The following FTO variants were observed in gnomAD, a reference collection of about 807,000 sequenced individuals.
FTO encodes the protein FTO alpha-ketoglutarate dependent dioxygenase.
A neutral mutation model predicts 63.9 loss-of-function variants in FTO; 47 were observed. That is an observed-to-expected ratio of 0.74 (90% CI 0.58 to 0.94). FTO has a LOEUF of 0.94. Ranked by LOEUF, FTO falls within the 40% of genes least tolerant of loss-of-function variation. FTO has a pLI of 0.00. For synonymous variants in FTO, 207 were observed against 224.4 expected, an observed-to-expected ratio of 0.92 and a Z score of 0.69; for missense variants, 562 against 618.1, an observed-to-expected ratio of 0.91 and a Z score of 0.96.
intron 8 of FTO, chr16:53,999,981 A>G (rs1347051653): frequency 2.0e-5 from 3 of 152,228 alleles, no homozygotes; most frequent in South Asian, 4.1e-4. Flanking sequence ...TGCAGTAGAC[A>G]TAAAATCAGG....
intron 1 of FTO, among the ~76,000 whole-genome samples, chr16:53,788,295 C>G (rs1369721244): frequency 6.6e-6 from 1 of 151,954 alleles, no homozygotes; most frequent in Non-Finnish European, 1.5e-5. Flanking sequence ...TGCTGTTCTG[C>G]TTTTGATACA....
chr16:54,072,822 G>C (rs76616326), intron 8 of FTO, among the ~76,000 whole-genome samples: 3,275 of 152,148 alleles, frequency 0.022, 117 homozygotes, highest in African/African-American at 0.074. Flanking sequence ...CCTCTGACTC[G>C]GTCAGAAAGA....
chr16:54,049,503 A>G (rs1015306138), intron 8 of FTO, among the ~76,000 whole-genome samples: 2 of 152,246 alleles, frequency 1.3e-5, no homozygotes, highest in Admixed American at 1.3e-4. Flanking sequence ...TTCATTTTCA[A>G]TTAGGAATAC....
intron 4 of FTO, among the ~76,000 whole-genome samples, chr16:53,868,269 G>A (rs932500347): frequency 1.3e-5 from 2 of 151,484 alleles, no homozygotes; most frequent in Admixed American, 6.6e-5. Flanking sequence ...CCCTGTTTTT[G>A]TCTTCCACTC....
intron 1 of FTO, among the ~76,000 whole-genome samples, chr16:53,768,024 A>G (rs2077252161): frequency 6.6e-6 from 1 of 152,222 alleles, no homozygotes; most frequent in Non-Finnish European, 1.5e-5. Context: ...TATGTTAACT[A>G]CTGTTAGCTG....
intron 7 of FTO, among the ~76,000 whole-genome samples, chr16:53,933,711 C>T (rs939904979): frequency 3.9e-5 from 6 of 152,204 alleles, no homozygotes; most frequent in East Asian, 3.9e-4. Flanking sequence ...AAAAAAAAAT[C>T]GTTGGTGTGC....
At chr16:54,049,095 A>T (rs1200654962) in intron 8 of FTO, among the ~76,000 whole-genome samples, 1 of 152,088 alleles carries the variant, frequency 6.6e-6, no homozygotes, top group Non-Finnish European at 1.5e-5. Flanking sequence ...AAAAATTAAG[A>T]TCCAAACCGT....
At chr16:53,991,114 T>C (rs990120544) in intron 8 of FTO, 10 of 152,214 alleles carry the variant, frequency 6.6e-5, no homozygotes, top group African/African-American at 2.4e-5. Flanking sequence ...ATAAGTTGTA[T>C]TTCTTCATGA....
Position 53,856,519 on chromosome 16 carries a change from G to T in FTO, c.895+12221G>T, listed in dbSNP as rs1196648530. Among the ~76,000 whole-genome samples the T allele has an allele frequency of 3.3e-5, 5 of 152,206 alleles. No homozygotes were observed. In the East Asian group the frequency reaches 5.8e-4, roughly 18 times the overall value. Reference sequence around the variant, plus strand: ...TTATAAAAACAATTGAGAGACCGAGGCAGGTGGATCACTTGAGGTCAGGAG... The same window carrying T: ...TTATAAAAACAATTGAGAGACCGAGTCAGGTGGATCACTTGAGGTCAGGAG... On this transcript the variant is annotated intron_variant, in intron 4 of 8. Coordinates refer to ENST00000471389, the MANE Select transcript of FTO (RefSeq NM_001080432.3).
At chr16:53,759,058 A>C (rs2076987264) in intron 1 of FTO, among the ~76,000 whole-genome samples, 1 of 152,122 alleles carries the variant, frequency 6.6e-6, no homozygotes, top group African/African-American at 2.4e-5. Flanking sequence ...AAATGTTGGT[A>C]ATTGTTGAAG....
intron 1 of FTO, among the ~76,000 whole-genome samples, chr16:53,788,475 C>T (rs62033405): frequency 0.3 from 45,165 of 151,298 alleles, 8,190 homozygotes; most frequent in Non-Finnish European, 0.41. Flanking sequence ...TGGTGGTGGG[C>T]GCCTGTAATC....
intron 3 of FTO, among the ~76,000 whole-genome samples, chr16:53,827,872 G>C (rs548278773): frequency 1.3e-5 from 2 of 152,300 alleles, no homozygotes; most frequent in African/African-American, 4.8e-5. Context: ...ACGAACAATG[G>C]AGTTAGTTTC....
At chr16:53,718,214 A>G (rs74018189) in intron 1 of FTO, among the ~76,000 whole-genome samples, 3,823 of 152,028 alleles carry the variant, frequency 0.025, 122 homozygotes, top group Middle Eastern at 0.071. Context: ...ATTTTGTTCA[A>G]TTGGGCACCA....
At chr16:53,869,243 C>T (rs1042534731) in intron 4 of FTO, among the ~76,000 whole-genome samples, 3 of 152,022 alleles carry the variant, frequency 2.0e-5, no homozygotes, top group Non-Finnish European at 2.9e-5. Context: ...TATTGCTTGC[C>T]TCGTTTCTGA....
chr16:54,117,449 C>G lies in FTO; in HGVS notation c.*5534C>G, dbSNP rs188007721. 6.6e-6 allele frequency: 1 copy of G among 152,146 alleles called. No individual in the cohort carries two copies. The highest frequency in any genetic ancestry group is 1.5e-5 in the Non-Finnish European group (1 of 68,034). 9.4% of individuals were successfully genotyped at this position (152,146 alleles called of 1,614,324 possible). On this transcript the variant is annotated 3_prime_UTR_variant, in exon 9 of 9. Transcript: ENST00000471389. ...GCTCATTGGATTGTTCTGTCCCCTA[C>G]GATCAGCCATGTTAAGTGATTCATA...
chr16:54,028,774 G>T (rs1412418651), intron 8 of FTO, among the ~76,000 whole-genome samples: 2 of 151,960 alleles, frequency 1.3e-5, no homozygotes, highest in African/African-American at 4.8e-5. Context: ...ATTATACTCT[G>T]CATATTATGT....
In FTO at chr16:54,120,527, G is replaced by C. The variant is rs2086998375; in HGVS notation, c.*8612G>C. The C allele has an allele frequency of 1.3e-5, 2 of 152,180 alleles. No individual in the cohort carries two copies. Among genetic ancestry groups the C allele is most frequent in the South Asian group, 4.1e-4 (2 of 4,822 alleles). The allele number at this position is 152,180 out of a possible 1,614,324, so 9.4% of individuals were successfully genotyped here. A position where few individuals can be genotyped will look rare whatever the true frequency, so the allele number is the denominator to read the frequency against. On this transcript the variant is annotated 3_prime_UTR_variant, in exon 9 of 9. Transcript: ENST00000471389. Reference sequence around the variant, plus strand: ...AAGCAATAGTTACCACATTTGCAAAGGCACATACCCCAAAGAGAAGTTTTT... The same window carrying C: ...AAGCAATAGTTACCACATTTGCAAACGCACATACCCCAAAGAGAAGTTTTT...
chr16:53,953,493 A>G (rs2082848385), intron 8 of FTO, among the ~76,000 whole-genome samples: 1 of 152,246 alleles, frequency 6.6e-6, no homozygotes, highest in East Asian at 1.9e-4. Flanking sequence ...CAAGACAAAC[A>G]GTAACCATTT....
At chr16:53,778,496 A>T (rs540568944) in intron 1 of FTO, among the ~76,000 whole-genome samples, 1 of 152,324 alleles carries the variant, frequency 6.6e-6, no homozygotes, top group African/African-American at 2.4e-5. Context: ...GTCAGTGGAA[A>T]TGTCCACACG....
Sources: gnomAD v4.1 joint callset for allele counts (sites outside exome capture counted in the v4.1 genomes callset) on GRCh38, gnomAD v4.1.1 for gene constraint, MANE v1.5 for transcripts, NCBI Gene and HGNC (gene_info 2026-07-23, HGNC 2026-07-21) for gene names.